CSNK1G3: variants seen among roughly 807,000 people sequenced by gnomAD.
CSNK1G3 encodes casein kinase 1 gamma 3, also known as casein kinase I isoform gamma-3.
Under a neutral mutation model 64.3 loss-of-function variants are expected in CSNK1G3, and 23 were observed. The ratio of observed to expected loss-of-function variants is 0.36; its 90% CI spans 0.26 to 0.51. CSNK1G3 has a LOEUF of 0.51. CSNK1G3 is among the 20% of genes least tolerant of loss of function. CSNK1G3 has a pLI of 0.96. For missense variants in CSNK1G3, 357 were observed against 510.5 expected, an observed-to-expected ratio of 0.70 and a Z score of 2.90; for synonymous variants, 158 against 162.2, an observed-to-expected ratio of 0.97 and a Z score of 0.20.
At chr5:123,519,089 T>C (rs1777657628) in intron 1 of CSNK1G3, among the ~76,000 whole-genome samples, 1 of 151,970 alleles carries the variant, frequency 6.6e-6, no homozygotes, top group Non-Finnish European at 1.5e-5. Context: ...GTTTTACTCT[T>C]GTTTCCCAGG....
Position 123,590,719 on chromosome 5 carries a change from C to G in CSNK1G3, c.990+161C>G, listed in dbSNP as rs542201428. 3.3e-4 allele frequency among the ~76,000 whole-genome samples: 50 copies of G among 152,018 alleles called. No homozygotes were observed. In the East Asian group the frequency reaches 9.6e-3, roughly 29 times the overall value. ...CTGCAGGTAGTGCCGTACTAGTGTT[C>G]TTTGAGTTTTTCAGAAGCCCTACAT... On this transcript the variant is annotated intron_variant, in intron 9 of 12. Transcript: ENST00000345990.
intron 3 of CSNK1G3, among the ~76,000 whole-genome samples, chr5:123,554,446 G>GT (rs1784249291): frequency 6.6e-6 from 1 of 152,136 alleles, no homozygotes; most frequent in South Asian, 2.1e-4. Context: ...GAAAGCCCAA[G>GT]TTTCTTTCTA....
In CSNK1G3 at chr5:123,586,275, G is replaced by C. The variant is rs549703517; in HGVS notation, c.674-1793G>C. Among the ~76,000 whole-genome samples, 24 of 152,306 alleles carry C rather than the reference G, an allele frequency of 1.6e-4. 1 individual carries two copies. The South Asian group carries it at 4.6e-3, about 29-fold the overall frequency. ...TGATGGTATTGTGGGGGTTGGGGGA[G>C]AGTAATAGGCAAGAGACATTTTGGA... On this transcript the variant is annotated intron_variant, in intron 6 of 12. Transcript: ENST00000345990.
chr5:123,598,690 G>A (rs1366318658), intron 10 of CSNK1G3, among the ~76,000 whole-genome samples: 1 of 152,124 alleles, frequency 6.6e-6, no homozygotes, highest in African/African-American at 2.4e-5. Flanking sequence ...TAGGCTGGAG[G>A]TAAATCATGA....
chr5:123,533,583 CT>C (rs1159793065), intron 1 of CSNK1G3, among the ~76,000 whole-genome samples: 8 of 151,500 alleles, frequency 5.3e-5, no homozygotes, highest in Non-Finnish European at 1.2e-4. Context: ...TTGTTTCCGT[CT>C]TTTTTTCTTT....
intron 10 of CSNK1G3, among the ~76,000 whole-genome samples, chr5:123,602,429 C>T (rs1181186935): frequency 5.3e-5 from 8 of 152,038 alleles, no homozygotes; most frequent in Non-Finnish European, 8.8e-5. Context: ...TAGAACAGTG[C>T]CTAAGCATGT....
intron 1 of CSNK1G3, among the ~76,000 whole-genome samples, chr5:123,525,205 A>G (rs879646043): frequency 1.3e-5 from 2 of 151,064 alleles, no homozygotes; most frequent in Admixed American, 1.3e-4. Context: ...TATTTGTTGA[A>G]TGGATTGTTT....
intron 1 of CSNK1G3, among the ~76,000 whole-genome samples, chr5:123,528,873 C>T (rs6595456): frequency 0.47 from 72,172 of 152,000 alleles, 17,823 homozygotes; most frequent in Middle Eastern, 0.61. Flanking sequence ...TCAGTAATCC[C>T]AGTCATTCAC....
At chr5:123,570,544 T>G (rs1209300841) in intron 4 of CSNK1G3, among the ~76,000 whole-genome samples, 1 of 151,894 alleles carries the variant, frequency 6.6e-6, no homozygotes, top group African/African-American at 2.4e-5. Flanking sequence ...TTATTAGAGA[T>G]GGGGTTTCAC....
At chr5:123,588,560 G>T in intron 8 of CSNK1G3, 49 bp downstream of exon 8, 4 of 1,139,680 alleles carry the variant, frequency 3.5e-6, no homozygotes, top group Admixed American at 2.0e-5. Flanking sequence ...AACTAGAAAT[G>T]CTAATTTTTA....
chr5:123,547,498 A>G (rs1782758809), intron 2 of CSNK1G3, among the ~76,000 whole-genome samples: 1 of 152,114 alleles, frequency 6.6e-6, no homozygotes, highest in Non-Finnish European at 1.5e-5. Context: ...CATTTTAACA[A>G]GGGCAATACG....
At chr5:123,526,024 A>G (rs1445991721) in intron 1 of CSNK1G3, among the ~76,000 whole-genome samples, 2 of 151,012 alleles carry the variant, frequency 1.3e-5, no homozygotes, top group African/African-American at 4.9e-5. Context: ...AAGTAGAAAT[A>G]CTTTATAGAA....
At chr5:123,589,759 G>C (rs1051253970) in intron 8 of CSNK1G3, among the ~76,000 whole-genome samples, 28 of 151,960 alleles carry the variant, frequency 1.8e-4, no homozygotes, top group African/African-American at 6.8e-4. Flanking sequence ...ATACATTTTG[G>C]AATTATAATA....
intron 5 of CSNK1G3, among the ~76,000 whole-genome samples, 181 bp downstream of exon 5, chr5:123,573,722 A>G (rs1788560801): frequency 6.6e-6 from 1 of 152,314 alleles, no homozygotes; most frequent in Non-Finnish European, 1.5e-5. Context: ...TGAGTCAAGT[A>G]TATTTTATTT....
chr5:123,601,578 AT>A (rs1427956849), intron 10 of CSNK1G3, among the ~76,000 whole-genome samples: 1 of 152,240 alleles, frequency 6.6e-6, no homozygotes, highest in African/African-American at 2.4e-5. Flanking sequence ...AAAGTCAGGT[AT>A]AAAAAGTCTT....
intron 1 of CSNK1G3, among the ~76,000 whole-genome samples, chr5:123,520,366 A>G (rs1401711778): frequency 6.6e-6 from 1 of 152,098 alleles, no homozygotes; most frequent in Admixed American, 6.6e-5. Context: ...AGTTGTTTAT[A>G]AATGGTGAGA....
intron 1 of CSNK1G3, among the ~76,000 whole-genome samples, chr5:123,533,352 A>T (rs1780252227): frequency 6.6e-6 from 1 of 151,854 alleles, no homozygotes; most frequent in South Asian, 2.1e-4. Context: ...TCTTTTTGCT[A>T]AGATTGAATT....
chr5:123,583,445 C>T (rs1418150596), intron 6 of CSNK1G3, among the ~76,000 whole-genome samples: 2 of 151,966 alleles, frequency 1.3e-5, no homozygotes, highest in African/African-American at 4.8e-5. Context: ...ACCACAACCT[C>T]CGCCTCCCAG....
intron 12 of CSNK1G3, among the ~76,000 whole-genome samples, chr5:123,612,766 C>T (rs969992589): frequency 5.3e-5 from 8 of 152,006 alleles, no homozygotes; most frequent in African/African-American, 1.9e-4. Context: ...ATGAGCCACC[C>T]CTCCTGGCCA....
Sources: allele counts gnomAD v4.1 joint callset (sites outside exome capture counted in the v4.1 genomes callset), GRCh38; gene constraint gnomAD v4.1.1; transcripts MANE v1.5; gene names NCBI Gene and HGNC (gene_info 2026-07-23, HGNC 2026-07-21).